NAXD: variants seen among roughly 807,000 people sequenced by gnomAD.
The protein encoded by NAXD is NAD(P)HX dehydratase, also known as ATP-dependent (S)-NAD(P)H-hydrate dehydratase.
NAXD carries 22 observed loss-of-function variants against 35.8 expected under a neutral mutation model. The observed-to-expected ratio is 0.62, with a 90% CI of 0.44 to 0.88. NAXD has a LOEUF of 0.88. Ranked by LOEUF, NAXD falls within the 40% of genes least tolerant of loss-of-function variation. The pLI, the probability that NAXD is intolerant of heterozygous loss-of-function variation, is 0.00. For synonymous variants in NAXD, 189 were observed against 177.6 expected, an observed-to-expected ratio of 1.06 and a Z score of -0.51; for missense variants, 428 against 437.7, an observed-to-expected ratio of 0.98 and a Z score of 0.20.
intron 5 of NAXD, among the ~76,000 whole-genome samples, chr13:110,632,513 C>T (rs1306813796): frequency 2.6e-5 from 4 of 152,136 alleles, no homozygotes; most frequent in Admixed American, 6.5e-5. Flanking sequence ...TTTGTCAGGG[C>T]ACTGATTGGT....
intron 2 of NAXD, among the ~76,000 whole-genome samples, chr13:110,623,440 G>A (rs1481430645): frequency 1.3e-5 from 2 of 152,198 alleles, no homozygotes; most frequent in Non-Finnish European, 2.9e-5. Flanking sequence ...CAGCCAGGCG[G>A]AAGCAGCTGG....
chr13:110,618,734 G>C (rs1886151437), intron 1 of NAXD, among the ~76,000 whole-genome samples: 1 of 144,060 alleles, frequency 6.9e-6, no homozygotes, highest in Non-Finnish European at 1.5e-5. Flanking sequence ...ATGTGTTCTT[G>C]TCATTATTTG....
rs117436247 is a variant in NAXD at position 110,634,909 on chromosome 13, C to T, written c.597+133C>T. ...CAAGTAATCGCTGTGCCTCTCCCAG[C>T]GGATGGCGCGTCTTCCCATTAATGC... On this transcript the variant is annotated intron_variant, in intron 7 of 9. Coordinates refer to ENST00000680254, the MANE Select transcript of NAXD (RefSeq NM_001242882.2). The T allele has an allele frequency of 8.2e-3, 5,618 of 686,014 alleles. 45 individuals are homozygous for T. Among genetic ancestry groups the T allele is most frequent in the South Asian group, 0.015 (883 of 59,498 alleles). 42.5% of individuals were successfully genotyped at this position (686,014 alleles called of 1,614,324 possible).
intron 5 of NAXD, among the ~76,000 whole-genome samples, chr13:110,630,177 C>A (rs919678726): frequency 4.6e-5 from 7 of 152,028 alleles, no homozygotes; most frequent in Admixed American, 4.6e-4. Flanking sequence ...TACAGGCGCC[C>A]ACCATCACAC....
rs755044217 is a variant in NAXD at position 110,635,597 on chromosome 13, C to T, written c.718+9C>T. ...CTCCAACGGCCAGCAGGGTGAGTGG[C>T]GGCTGCCCTCTGTGCATGGGCCAGT... On this transcript the variant is annotated intron_variant, in intron 8 of 9. Coordinates refer to ENST00000680254, the MANE Select transcript of NAXD (RefSeq NM_001242882.2). The T allele has an allele frequency of 6.8e-6, 11 of 1,613,226 alleles. No individual in the cohort carries two copies. In the East Asian group the frequency reaches 1.3e-4, roughly 20 times the overall value.
chr13:110,635,404 G>A, intron 7 of NAXD, 64 bp from the exon 8 acceptor site: 2 of 1,578,096 alleles, frequency 1.3e-6, no homozygotes, highest in East Asian at 2.3e-5. Flanking sequence ...ATGGGACAGG[G>A]CTATCTGTCG....
At chr13:110,627,372 CAA>C in intron 4 of NAXD, 65 bp from the exon 5 acceptor site, 1 of 970,758 alleles carries the variant, frequency 1.0e-6, no homozygotes, top group Middle Eastern at 2.3e-4. Flanking sequence ...AAAATGTAAA[CAA>C]ATACATGACA....
At chr13:110,615,773 A>C in intron 1 of NAXD, 126 bp downstream of exon 1, 1 of 1,394,518 alleles carries the variant, frequency 7.2e-7, no homozygotes, top group Non-Finnish European at 9.3e-7. Context: ...CACTGGACGC[A>C]GGTACCCGAC....
intron 9 of NAXD, among the ~76,000 whole-genome samples, chr13:110,637,476 T>C (rs1594187152): frequency 6.6e-6 from 1 of 152,062 alleles, no homozygotes; most frequent in Admixed American, 6.6e-5. Context: ...GCAGGGGTGG[T>C]CTTCAGAGCT....
At chr13:110,634,833 T>C in intron 7 of NAXD, 57 bp downstream of exon 7, 1 of 1,314,638 alleles carries the variant, frequency 7.6e-7, no homozygotes, top group Non-Finnish European at 1.1e-6. Context: ...CTGAAGAGGG[T>C]GAAGGACGAG....
intron 5 of NAXD, among the ~76,000 whole-genome samples, chr13:110,631,834 G>A (rs540158494): frequency 1.4e-4 from 22 of 152,144 alleles, no homozygotes; most frequent in Non-Finnish European, 3.2e-4. Context: ...GCTAATGCTC[G>A]GACCAGTGTC....
chr13:110,630,758 T>C (rs1002501508), intron 5 of NAXD, among the ~76,000 whole-genome samples: 1 of 152,194 alleles, frequency 6.6e-6, no homozygotes, highest in Admixed American at 6.5e-5. Flanking sequence ...TGCAGCACCA[T>C]GTGCTGGAGA....
intron 1 of NAXD, among the ~76,000 whole-genome samples, chr13:110,618,088 G>C (rs968146615): frequency 1.3e-5 from 2 of 152,144 alleles, no homozygotes; most frequent in African/African-American, 4.8e-5. Flanking sequence ...CTGTGTGCTC[G>C]AAAGGTTTCA....
chr13:110,633,171 C>T (rs1886783715), intron 5 of NAXD, among the ~76,000 whole-genome samples: 1 of 152,196 alleles, frequency 6.6e-6, no homozygotes, highest in Non-Finnish European at 1.5e-5. Flanking sequence ...CCGAGCCCTG[C>T]CCGGCGGGAA....
intron 2 of NAXD, among the ~76,000 whole-genome samples, chr13:110,623,289 G>C: frequency 6.6e-6 from 1 of 152,154 alleles, no homozygotes; most frequent in Non-Finnish European, 1.5e-5. Context: ...CATTTGCCCA[G>C]GTCTCTCTTT....
At chr13:110,622,952 G>A (rs557322268) in intron 2 of NAXD, among the ~76,000 whole-genome samples, 1 of 152,162 alleles carries the variant, frequency 6.6e-6, no homozygotes, top group Admixed American at 6.5e-5. Flanking sequence ...GCTGTTGATC[G>A]TGCCATAGGG....
At chr13:110,623,963 T>C (rs1300836401) in intron 2 of NAXD, among the ~76,000 whole-genome samples, 7 of 150,534 alleles carry the variant, frequency 4.7e-5, no homozygotes, top group Non-Finnish European at 1.0e-4. Flanking sequence ...GATCGTGCCA[T>C]TGCACTCCAG....
chr13:110,638,147 C>A lies in NAXD; in HGVS notation c.840-231C>A. 7.8e-7 allele frequency: 1 copy of A among 1,280,642 alleles called. No homozygotes were observed. The highest frequency in any genetic ancestry group is 1.1e-6 in the Non-Finnish European group (1 of 919,748). The allele number at this position is 1,280,642 out of a possible 1,614,324, so 79.3% of individuals were successfully genotyped here. A position where few individuals can be genotyped will look rare whatever the true frequency, so the allele number is the denominator to read the frequency against. On this transcript the variant is annotated intron_variant, in intron 9 of 9. Coordinates refer to ENST00000680254, the MANE Select transcript of NAXD (RefSeq NM_001242882.2). This position sits in a 1 kb window ranked among gnomAD's most constrained non-coding sequence, Gnocchi z 5.4. ...CTGTGTGCCCTAGCCCTGGACCTGT[C>A]TCCGAGTACATAGACGTTTCCTGTG... is the stretch of plus-strand genomic sequence containing the variant.
At position 110,615,550 on chromosome 13, in the gene NAXD, CTG is replaced by C. The variant is rs1269457246; in HGVS notation, c.-48_-47del. On this transcript the variant is annotated 5_prime_UTR_variant, in exon 1 of 10. Coordinates refer to ENST00000680254, the MANE Select transcript of NAXD (RefSeq NM_001242882.2). ...GGAAACCGGAAAACGCTTCCAATGG[CTG>C]TGTTTCCGGCGACGGCGCGGGGGCA... is the stretch of plus-strand genomic sequence containing the variant. 7.5e-7 allele frequency: 1 copy of C among 1,337,152 alleles called. No individual in the cohort carries two copies. The highest frequency in any genetic ancestry group is 3.1e-5 in the East Asian group (1 of 32,100). 82.8% of individuals were successfully genotyped at this position (1,337,152 alleles called of 1,614,324 possible).
Sources: allele counts gnomAD v4.1 joint callset (sites outside exome capture counted in the v4.1 genomes callset), GRCh38; gene constraint gnomAD v4.1.1; non-coding constraint Gnocchi (gnomAD v3.1); transcripts MANE v1.5; gene names NCBI Gene and HGNC (gene_info 2026-07-23, HGNC 2026-07-21).